Variants in TSPAN9 observed in about 807,000 individuals in gnomAD.
The protein encoded by TSPAN9 is tetraspanin 9.
In TSPAN9, 16 loss-of-function variants were observed where a neutral mutation model predicts 31.0. That is an observed-to-expected ratio of 0.52 (90% CI 0.35 to 0.78). The LOEUF is 0.78. TSPAN9 is among the 30% of genes least tolerant of loss of function. The pLI is 0.01. For missense variants in TSPAN9, 272 were observed against 312.5 expected, an observed-to-expected ratio of 0.87 and a Z score of 0.98; for synonymous variants, 145 against 121.6, an observed-to-expected ratio of 1.19 and a Z score of -1.27.
At chr12:3,109,296 G>GTGTGTGTT (rs2098316876) in intron 2 of TSPAN9, among the ~76,000 whole-genome samples, 1 of 135,536 alleles carries the variant, frequency 7.4e-6, no homozygotes, top group East Asian at 2.0e-4. Context: ...GTGTGTGTGT[G>GTGTGTGTT]TGTGAGAGAG....
chr12:3,104,711 T>C (rs529457675), intron 2 of TSPAN9, among the ~76,000 whole-genome samples: 1 of 152,172 alleles, frequency 6.6e-6, no homozygotes, highest in Admixed American at 6.5e-5. Flanking sequence ...GCAGACTCTT[T>C]GTGGCACCTC....
chr12:3,268,346 C>A (rs1305419660), intron 3 of TSPAN9, among the ~76,000 whole-genome samples: 1 of 113,348 alleles, frequency 8.8e-6, no homozygotes, highest in African/African-American at 3.6e-5. Context: ...CCTGCCCTCT[C>A]TGTGTTCCTG....
chr12:3,109,299 T>TGTGTGTGAGAGAGA (rs1274383200), intron 2 of TSPAN9, among the ~76,000 whole-genome samples: 1,737 of 118,156 alleles, frequency 0.015, 41 homozygotes, highest in African/African-American at 0.076. Context: ...TGTGTGTGTG[T>TGTGTGTGAGAGAGA]GAGAGAGAGT....
At chr12:3,278,115 C>T (rs650180) in intron 3 of TSPAN9, among the ~76,000 whole-genome samples, 60,028 of 152,058 alleles carry the variant, frequency 0.39, 11,924 homozygotes, top group Middle Eastern at 0.54. Flanking sequence ...GTACCTTCCA[C>T]GTATTTGTTA....
intron 2 of TSPAN9, among the ~76,000 whole-genome samples, chr12:3,188,330 G>A (rs116052598): frequency 0.01 from 1,554 of 152,320 alleles, 26 homozygotes; most frequent in African/African-American, 0.035. Flanking sequence ...CCTGCTCTGT[G>A]CCCTGCCAGG....
At chr12:3,177,857 C>A (rs1166637462) in intron 2 of TSPAN9, among the ~76,000 whole-genome samples, 3 of 152,246 alleles carry the variant, frequency 2.0e-5, no homozygotes, top group African/African-American at 7.2e-5. Flanking sequence ...ATGATTCAGT[C>A]AGAGCCCTCT....
intron 2 of TSPAN9, among the ~76,000 whole-genome samples, chr12:3,188,692 G>A (rs1469391391): frequency 1.3e-5 from 2 of 152,136 alleles, no homozygotes; most frequent in Non-Finnish European, 2.9e-5. Context: ...GCCTCACGGA[G>A]CCCAGCCACA....
chr12:3,161,178 A>G (rs112638380), intron 2 of TSPAN9, among the ~76,000 whole-genome samples: 4,326 of 152,170 alleles, frequency 0.028, 213 homozygotes, highest in African/African-American at 0.099. Context: ...TCGAGATTGC[A>G]CCATTGCACT....
chr12:3,272,254 G>C (rs370175899), intron 3 of TSPAN9, among the ~76,000 whole-genome samples: 1 of 152,184 alleles, frequency 6.6e-6, no homozygotes. Flanking sequence ...TGAGGGCACT[G>C]GGGGTTCCAG....
At chr12:3,166,160 C>G (rs769584824) in intron 2 of TSPAN9, among the ~76,000 whole-genome samples, 6 of 152,052 alleles carry the variant, frequency 3.9e-5, no homozygotes, top group Non-Finnish European at 7.4e-5. Flanking sequence ...GGGAAAGACA[C>G]AGAATTCTAA....
At chr12:3,274,832 C>T (rs1862753972) in intron 3 of TSPAN9, among the ~76,000 whole-genome samples, 1 of 152,236 alleles carries the variant, frequency 6.6e-6, no homozygotes. Flanking sequence ...GCACAGGCCT[C>T]CTCACTGGGC....
intron 3 of TSPAN9, among the ~76,000 whole-genome samples, chr12:3,253,011 T>C (rs1565632953): frequency 6.6e-6 from 1 of 152,094 alleles, no homozygotes; most frequent in Non-Finnish European, 1.5e-5. Flanking sequence ...GCGTGGCGTG[T>C]CCGAGTGAGC....
At chr12:3,231,611 C>CG (rs1300661011) in intron 3 of TSPAN9, among the ~76,000 whole-genome samples, 1 of 152,170 alleles carries the variant, frequency 6.6e-6, no homozygotes, top group Non-Finnish European at 1.5e-5. Flanking sequence ...CCAGCAGGGG[C>CG]GGGGTGGGTG....
At chr12:3,078,896 A>C (rs748395609) in intron 1 of TSPAN9, among the ~76,000 whole-genome samples, 1 of 152,076 alleles carries the variant, frequency 6.6e-6, no homozygotes, top group Non-Finnish European at 1.5e-5. Context: ...AAAGTAATTT[A>C]TAGTTGGCCA....
At chr12:3,122,799 T>G (rs1217204862) in intron 2 of TSPAN9, among the ~76,000 whole-genome samples, 1 of 152,194 alleles carries the variant, frequency 6.6e-6, no homozygotes, top group Non-Finnish European at 1.5e-5. Context: ...ATGTCATTGT[T>G]TTTTCTCTAC....
chr12:3,099,343 A>G (rs1206738491), intron 2 of TSPAN9, among the ~76,000 whole-genome samples: 1 of 152,020 alleles, frequency 6.6e-6, no homozygotes, highest in Admixed American at 6.6e-5. Context: ...CATTTCTGAC[A>G]TTGTATTTCC....
At chr12:3,223,686 A>G (rs3825357) in intron 3 of TSPAN9, among the ~76,000 whole-genome samples, 2,894 of 152,316 alleles carry the variant, frequency 0.019, 67 homozygotes, top group East Asian at 0.1. Context: ...TAAAATGGGA[A>G]GGGGAACACT....
In TSPAN9 at chr12:3,280,830, A is replaced by G. The variant is rs1464483450; in HGVS notation, c.432+347A>G. ...AGGAGGAGAACAAGTCCATAGTCCC[A>G]GATGCTCCCATTTTAAGCCCTGGGG... On this transcript the variant is annotated intron_variant, in intron 6 of 8. Coordinates refer to ENST00000011898, the MANE Select transcript of TSPAN9 (RefSeq NM_006675.5). The surrounding 1 kb of genome is among the most constrained non-coding windows in gnomAD (Gnocchi z 4.5). Among the ~76,000 whole-genome samples the G allele has an allele frequency of 6.6e-6, 1 of 152,170 alleles. No individual in the cohort carries two copies. The highest frequency in any genetic ancestry group is 6.5e-5 in the Admixed American group (1 of 15,280).
intron 3 of TSPAN9, among the ~76,000 whole-genome samples, chr12:3,204,671 C>T (rs1191761157): frequency 6.6e-6 from 1 of 152,110 alleles, no homozygotes; most frequent in African/African-American, 2.4e-5. Context: ...TGACTGAGTC[C>T]CATCTCCTCT....
Sources: allele counts gnomAD v4.1 joint callset (sites outside exome capture counted in the v4.1 genomes callset), GRCh38; gene constraint gnomAD v4.1.1; non-coding constraint Gnocchi (gnomAD v3.1); transcripts MANE v1.5; gene names NCBI Gene and HGNC (gene_info 2026-07-23, HGNC 2026-07-21).